The following YTHDC2 variants were observed in gnomAD, a reference collection of about 807,000 sequenced individuals.
The protein encoded by YTHDC2 is 3'-5' RNA helicase YTHDC2.
In YTHDC2, 45 loss-of-function variants were observed where a neutral mutation model predicts 174.9. That is an observed-to-expected ratio of 0.26 (90% CI 0.20 to 0.33). YTHDC2 has a LOEUF of 0.33. Ranked by LOEUF, YTHDC2 falls within the 10% of genes least tolerant of loss-of-function variation. YTHDC2 has a pLI of 1.00. For missense variants in YTHDC2, 1,650 were observed against 1,723.7 expected, an observed-to-expected ratio of 0.96 and a Z score of 0.76; for synonymous variants, 657 against 574.5, an observed-to-expected ratio of 1.14 and a Z score of -2.05.
intron 20 of YTHDC2, among the ~76,000 whole-genome samples, chr5:113,564,768 T>C (rs1580598247): frequency 6.6e-6 from 1 of 152,172 alleles, no homozygotes; most frequent in Non-Finnish European, 1.5e-5. Flanking sequence ...AACATAGGCA[T>C]TGTATTTATT....
At chr5:113,580,028 G>A in intron 24 of YTHDC2, 1 of 720,840 alleles carries the variant, frequency 1.4e-6, no homozygotes, top group South Asian at 6.3e-5. Flanking sequence ...CGTCGGTTGA[G>A]GGCTGCTGGA....
At chr5:113,592,960 A>G (rs542958665) in intron 28 of YTHDC2, 1 of 167,044 alleles carries the variant, frequency 6.0e-6, no homozygotes, top group African/African-American at 2.4e-5. Flanking sequence ...TTCACAGTAA[A>G]CCTTTGGAAG....
chr5:113,531,913 A>G (rs1011257177), intron 4 of YTHDC2, among the ~76,000 whole-genome samples: 11 of 152,088 alleles, frequency 7.2e-5, no homozygotes, highest in African/African-American at 2.7e-4. Flanking sequence ...CAATTTGATA[A>G]TTTTTTTACT....
chr5:113,534,505 A>G lies in YTHDC2; in HGVS notation c.945+98A>G, dbSNP rs892030048. The G allele has an allele frequency of 5.7e-6, 6 of 1,047,552 alleles. No homozygotes were observed. The African/African-American group carries it at 7.9e-5, about 14-fold the overall frequency. 64.9% of individuals were successfully genotyped at this position (1,047,552 alleles called of 1,614,324 possible). A position where few individuals can be genotyped will look rare whatever the true frequency, so the allele number is the denominator to read the frequency against. On this transcript the variant is annotated intron_variant, in intron 6 of 29. Coordinates refer to ENST00000161863, the MANE Select transcript of YTHDC2 (RefSeq NM_022828.5). ...TAGTCTCAAAAAATTTAAATACATA[A>G]TTACATTTTTGGAATAGGGTAGAAA...
At chr5:113,534,474 T>A in intron 6 of YTHDC2, 67 bp downstream of exon 6, 1 of 1,390,450 alleles carries the variant, frequency 7.2e-7, no homozygotes, top group East Asian at 2.3e-5. Flanking sequence ...ATATGCCGTT[T>A]CAGGATAGTC....
At chr5:113,533,728 T>C (rs1008435022) in intron 5 of YTHDC2, among the ~76,000 whole-genome samples, 1 of 152,252 alleles carries the variant, frequency 6.6e-6, no homozygotes, top group Non-Finnish European at 1.5e-5. Flanking sequence ...GTAGTATAAA[T>C]TGAGCATCTT....
chr5:113,548,557 T>G lies in YTHDC2; in HGVS notation c.1512T>G (p.Ser504Arg). ...TENVSVDYRHSETSATALMVA... is the reference protein window; with the variant it reads ...TENVSVDYRHRETSATALMVA... ...TTTTTTTAGTTGATTACAGACATAG[T>G]GAAACCAGTGCAACAGCTCTGATGG... The change falls in exon 11 of 30, where the codon AGT (serine) becomes AGG (arginine). Residue 504 changes from serine to arginine, a missense_variant. Coordinates refer to ENST00000161863, the MANE Select transcript of YTHDC2 (RefSeq NM_022828.5). The G allele has an allele frequency of 6.2e-7, 1 of 1,605,872 alleles. No homozygotes were observed. Among genetic ancestry groups the G allele is most frequent in the Non-Finnish European group, 8.5e-7 (1 of 1,177,556 alleles).
At position 113,593,375 on chromosome 5, in the gene YTHDC2, A is replaced by G. The variant is rs755894257; in HGVS notation, c.4285A>G (p.Thr1429Ala). 14 of 1,611,816 alleles carry G rather than the reference A, an allele frequency of 8.7e-6. No homozygotes were observed. Among genetic ancestry groups the G allele is most frequent in the African/African-American group, 6.7e-5 (5 of 74,816 alleles). Residue 1429 changes from threonine to alanine, a missense_variant, in exon 29 of 30, where the codon ACT (threonine) becomes GCT (alanine). Physicochemically the swap from Thr to Ala is moderately conservative, Grantham distance 58. This residue lies in a region of YTHDC2 where 913 missense variants were observed against 940.4 expected (regional missense o/e 0.97). Coordinates refer to ENST00000161863, the MANE Select transcript of YTHDC2 (RefSeq NM_022828.5). ...TCTTCCCTTGGGAGAAAAAAACACA[A>G]CTGATTGACACTCAGGTTATACCAT... ...ERLPLGEKNTTD is the reference protein window; with the variant it reads ...ERLPLGEKNTAD
At chr5:113,551,593 C>T (rs949893153) in intron 12 of YTHDC2, among the ~76,000 whole-genome samples, 1 of 151,988 alleles carries the variant, frequency 6.6e-6, no homozygotes, top group Non-Finnish European at 1.5e-5. Context: ...ACATCACACA[C>T]CAGGGCCTCT....
In YTHDC2 at chr5:113,526,818, AAAAAAAAAAT is replaced by A. The variant is rs780047597; in HGVS notation, c.675+35_675+44del. The stretch of plus-strand genomic sequence containing the variant: ...TCTTTTTTGTTGTTTATAGAAAAAA[AAAAAAAAAAT>A]ATATATATATATATATATATAGTCC... On this transcript the variant is annotated intron_variant, in intron 4 of 29. Coordinates refer to ENST00000161863, the MANE Select transcript of YTHDC2 (RefSeq NM_022828.5). 3.8e-4 allele frequency: 165 copies of A among 431,254 alleles called. No homozygotes were observed. The East Asian group carries it at 9.8e-3, about 26-fold the overall frequency. 26.7% of individuals were successfully genotyped at this position (431,254 alleles called of 1,614,324 possible).
At chr5:113,577,705 A>T (rs763937663) in intron 23 of YTHDC2, among the ~76,000 whole-genome samples, 3 of 152,130 alleles carry the variant, frequency 2.0e-5, no homozygotes, top group Non-Finnish European at 2.9e-5. Flanking sequence ...CCATCCAGGA[A>T]ATTTAGTATC....
At chr5:113,577,494 C>G (rs989493702) in intron 23 of YTHDC2, among the ~76,000 whole-genome samples, 26 of 151,894 alleles carry the variant, frequency 1.7e-4, no homozygotes, top group African/African-American at 5.3e-4. Flanking sequence ...CTCAGTCTCT[C>G]GAGTAGCTGG....
At chr5:113,567,546 C>G (rs1777428764) in intron 22 of YTHDC2, 108 bp from the exon 23 acceptor site, 1 of 988,398 alleles carries the variant, frequency 1.0e-6, no homozygotes, top group Non-Finnish European at 1.4e-6. Context: ...TGCTTACGTA[C>G]TAATATACAT....
intron 4 of YTHDC2, among the ~76,000 whole-genome samples, chr5:113,530,303 T>C (rs913765189): frequency 2.6e-5 from 4 of 152,220 alleles, no homozygotes; most frequent in African/African-American, 9.6e-5. Context: ...AAATACTGTC[T>C]ATAGTACCAG....
Position 113,525,039 on chromosome 5 carries a change from G to A in YTHDC2, c.337G>A (p.Ala113Thr). The change falls in exon 3 of 30, where the codon GCA (alanine) becomes ACA (threonine). Residue 113 changes from alanine to threonine, a missense_variant. By Grantham distance (58) the Ala-to-Thr change is moderately conservative (BLOSUM62 0). Transcript: ENST00000161863. ...GAAAGATGGATCAGAAACAGCTCAT[G>A]CAATGATGACCTGTAATTTGACTCA... is the stretch of plus-strand genomic sequence containing the variant. ...KKKDGSETAH[A>T]MMTCNLTHNT... The A allele has an allele frequency of 6.2e-7, 1 of 1,611,628 alleles. No individual in the cohort carries two copies. The highest frequency in any genetic ancestry group is 1.1e-5 in the South Asian group (1 of 90,522).
intron 12 of YTHDC2, among the ~76,000 whole-genome samples, chr5:113,549,787 C>A (rs1047714046): frequency 6.6e-5 from 10 of 151,790 alleles, no homozygotes; most frequent in Non-Finnish European, 1.0e-4. Context: ...TATACTTGTT[C>A]ACTGTTCTAT....
At chr5:113,575,137 C>G (rs1777962871) in intron 23 of YTHDC2, among the ~76,000 whole-genome samples, 1 of 152,202 alleles carries the variant, frequency 6.6e-6, no homozygotes, top group Non-Finnish European at 1.5e-5. Context: ...CCTTTTCATT[C>G]TTCTTTGTGA....
rs545198597 is a variant in YTHDC2, at chr5:113,518,818, A to G, written c.278+3456A>G. Among the ~76,000 whole-genome samples the G allele has an allele frequency of 1.5e-4, 23 of 152,116 alleles. No homozygotes were observed. In the East Asian group the frequency reaches 4.1e-3, roughly 27 times the overall value. On this transcript the variant is annotated intron_variant, in intron 2 of 29. Transcript: ENST00000161863. ...TTTCTTTTTGATACTCTTTCTTTCAAAATTATGTCATTTGTGATGGATTTT... is the reference window on the plus strand; with the variant it reads ...TTTCTTTTTGATACTCTTTCTTTCAGAATTATGTCATTTGTGATGGATTTT...
At chr5:113,573,726 A>G (rs1777871214) in intron 23 of YTHDC2, among the ~76,000 whole-genome samples, 1 of 152,068 alleles carries the variant, frequency 6.6e-6, no homozygotes, top group African/African-American at 2.4e-5. Context: ...ACGGTCTTCA[A>G]GCTCTGAGAT....
Sources: allele counts gnomAD v4.1 joint callset (sites outside exome capture counted in the v4.1 genomes callset), GRCh38; gene constraint gnomAD v4.1.1; regional missense constraint gnomAD v4.1.1; transcripts MANE v1.5; gene names NCBI Gene and HGNC (gene_info 2026-07-23, HGNC 2026-07-21).